The following RORA variants were observed in gnomAD, a reference collection of about 807,000 sequenced individuals.
RORA encodes nuclear receptor ROR-alpha.
In RORA, 7 loss-of-function variants were observed where a neutral mutation model predicts 69.5. That is an observed-to-expected ratio of 0.10 (90% CI 0.06 to 0.19). The LOEUF (loss-of-function observed/expected upper bound fraction) is 0.19, where lower values mean the gene tolerates loss of function less well. Ranked by LOEUF, RORA falls within the 10% of genes least tolerant of loss-of-function variation. The probability of loss-of-function intolerance (pLI) is 1.00; values close to 1 mark genes in which losing one functional copy is unlikely to be tolerated. For missense variants in RORA, 457 were observed against 663.0 expected (o/e 0.69, Z 3.41); for synonymous variants, 261 against 240.8 (o/e 1.08, Z -0.78).
intron 3 of RORA, among the ~76,000 whole-genome samples, chr15:60,527,305 A>G (rs375557759): frequency 1.6e-4 from 25 of 152,388 alleles, no homozygotes; most frequent in African/African-American, 5.5e-4. Flanking sequence ...ACTGTATCTC[A>G]TGATGAAATT....
chr15:60,579,086 TA>T (rs1388894609), intron 2 of RORA, among the ~76,000 whole-genome samples: 1 of 142,340 alleles, frequency 7.0e-6, no homozygotes, highest in Non-Finnish European at 1.5e-5. Context: ...TTTTTTTTTT[TA>T]ACAGCAACTG....
chr15:60,561,695 C>T (rs2067565273), intron 2 of RORA, among the ~76,000 whole-genome samples: 1 of 152,022 alleles, frequency 6.6e-6, no homozygotes, highest in Non-Finnish European at 1.5e-5. Context: ...ACATCTCAAT[C>T]CAAAACTATA....
intron 1 of RORA, among the ~76,000 whole-genome samples, chr15:60,980,538 T>C (rs1589703): frequency 0.47 from 71,121 of 151,970 alleles, 17,126 homozygotes; most frequent in African/African-American, 0.57. Context: ...AGTTTTTTCT[T>C]GCTAACTCAA....
intron 2 of RORA, among the ~76,000 whole-genome samples, chr15:60,569,586 G>A (rs1337106579): frequency 6.6e-6 from 1 of 152,142 alleles, no homozygotes; most frequent in Non-Finnish European, 1.5e-5. Flanking sequence ...TGGTTAAAAG[G>A]GGGAAACAGG....
At position 61,069,067 on chromosome 15, in the gene RORA, G is replaced by A. The variant is rs545670012; in HGVS notation, c.166+159986C>T. 2.6e-5 allele frequency among the ~76,000 whole-genome samples: 4 copies of A among 152,226 alleles called. No homozygotes were observed. The East Asian group carries it at 5.8e-4, about 22-fold the overall frequency. On this transcript the variant is annotated intron_variant, in intron 1 of 10. Transcript: ENST00000335670. ...TCTCTTTTTCTCACTGTTTCAAAGG[G>A]ATATACGATAGCAAAAATGGCTATG...
At chr15:61,041,879 A>C (rs1896790553) in intron 1 of RORA, among the ~76,000 whole-genome samples, 1 of 152,246 alleles carries the variant, frequency 6.6e-6, no homozygotes, top group Non-Finnish European at 1.5e-5. Flanking sequence ...CTATTAATTC[A>C]TTGAATCCTC....
At chr15:60,893,041 A>G (rs1489951032) in intron 1 of RORA, among the ~76,000 whole-genome samples, 2 of 152,202 alleles carry the variant, frequency 1.3e-5, no homozygotes, top group Non-Finnish European at 2.9e-5. Flanking sequence ...GCATAGCCTC[A>G]GCTTGCAAAG....
intron 1 of RORA, among the ~76,000 whole-genome samples, chr15:61,008,837 T>G (rs1236131803): frequency 2.6e-5 from 4 of 152,118 alleles, no homozygotes; most frequent in Non-Finnish European, 5.9e-5. Flanking sequence ...GTAGAAAAAT[T>G]GCAGGAACAG....
intron 1 of RORA, among the ~76,000 whole-genome samples, chr15:60,767,062 G>GT (rs529034832): frequency 1.3e-5 from 2 of 152,064 alleles, no homozygotes; most frequent in South Asian, 4.1e-4. Flanking sequence ...ATTCAGATTA[G>GT]TAACTAACAC....
chr15:60,925,357 C>G (rs879498763), intron 1 of RORA, among the ~76,000 whole-genome samples: 1 of 152,146 alleles, frequency 6.6e-6, no homozygotes, highest in South Asian at 2.1e-4. Flanking sequence ...TGAAATGTCC[C>G]CATATTCAAA....
intron 2 of RORA, among the ~76,000 whole-genome samples, chr15:60,671,319 T>C (rs1004038530): frequency 8.5e-5 from 13 of 152,110 alleles, no homozygotes; most frequent in African/African-American, 2.9e-4. Context: ...GTACGAAATA[T>C]ATGTCATTAC....
rs1032217920 is a variant in RORA at position 60,659,816 on chromosome 15, C to G, written c.196+18841G>C. 2.0e-5 allele frequency among the ~76,000 whole-genome samples: 3 copies of G among 152,312 alleles called. No homozygotes were observed. The South Asian group carries it at 6.2e-4, about 32-fold the overall frequency. On this transcript the variant is annotated intron_variant, in intron 2 of 10. Transcript: ENST00000335670. ...TAATCTACCACTATGTTCCCATCCC[C>G]CTGCTAAAACAATATTTTATCACTC...
At chr15:60,830,756 G>A (rs542029878) in intron 1 of RORA, among the ~76,000 whole-genome samples, 1 of 152,212 alleles carries the variant, frequency 6.6e-6, no homozygotes, top group African/African-American at 2.4e-5. Flanking sequence ...TCTTAAAATT[G>A]GAGGCTCTAG....
chr15:60,838,750 T>C (rs2073152750), intron 1 of RORA, among the ~76,000 whole-genome samples: 1 of 152,040 alleles, frequency 6.6e-6, no homozygotes, highest in Non-Finnish European at 1.5e-5. Flanking sequence ...CAGTGTCTTC[T>C]GGGTTTAACT....
intron 1 of RORA, among the ~76,000 whole-genome samples, chr15:60,687,668 C>T (rs2070768355): frequency 6.6e-6 from 1 of 152,230 alleles, no homozygotes; most frequent in Non-Finnish European, 1.5e-5. Context: ...GCACAAGAAT[C>T]ACTTGAACCC....
rs927740493 is a variant in RORA, at chr15:60,592,642, G to A, written c.197-60791C>T. 4 of 1,133,480 alleles carry A rather than the reference G, an allele frequency of 3.5e-6. No individual in the cohort carries two copies. In the African/African-American group the frequency reaches 4.9e-5, roughly 14 times the overall value. 70.2% of individuals were successfully genotyped at this position (1,133,480 alleles called of 1,614,324 possible). On this transcript the variant is annotated intron_variant, in intron 2 of 10. Coordinates refer to ENST00000335670, the MANE Select transcript of RORA (RefSeq NM_134261.3). ...CGCTTCCTCCCGGGGCGGGAGGCGG[G>A]AGGCGGGAGGCGGGAGGCAGGCGCG...
chr15:61,017,945 G>C (rs1895362172), intron 1 of RORA, among the ~76,000 whole-genome samples: 1 of 152,090 alleles, frequency 6.6e-6, no homozygotes, highest in South Asian at 2.1e-4. Context: ...GGAGTGAAAG[G>C]GTTGACAAAA....
chr15:60,610,445 T>A (rs532896022), intron 2 of RORA, among the ~76,000 whole-genome samples: 1 of 152,240 alleles, frequency 6.6e-6, no homozygotes, highest in South Asian at 2.1e-4. Context: ...GGGAGAGACG[T>A]GCTCTTTGGT....
chr15:60,567,614 T>C (rs534900164), intron 2 of RORA, among the ~76,000 whole-genome samples: 1 of 152,196 alleles, frequency 6.6e-6, no homozygotes, highest in Admixed American at 6.5e-5. Context: ...TTTTACCATG[T>C]TGGCCAGGCT....
Sources: allele counts gnomAD v4.1 joint callset (sites outside exome capture counted in the v4.1 genomes callset), GRCh38; gene constraint gnomAD v4.1.1; transcripts MANE v1.5; gene names NCBI Gene and HGNC (gene_info 2026-07-23, HGNC 2026-07-21).